CRIM1: variants seen among roughly 807,000 people sequenced by gnomAD.
The protein encoded by CRIM1 is cysteine rich transmembrane BMP regulator 1.
Under a neutral mutation model 116.4 loss-of-function variants are expected in CRIM1, and 32 were observed. The ratio of observed to expected loss-of-function variants is 0.27; its 90% CI spans 0.21 to 0.37. The LOEUF (loss-of-function observed/expected upper bound fraction) is 0.37. Ranked by LOEUF, CRIM1 falls within the 10% of genes least tolerant of loss-of-function variation. The pLI, the probability that CRIM1 is intolerant of heterozygous loss-of-function variation, is 1.00. For synonymous variants in CRIM1, 590 were observed against 509.2 expected (o/e 1.16, Z -2.13); for missense variants, 1,331 against 1,354.8 (o/e 0.98, Z 0.28).
At chr2:36,530,949 T>C (rs1666073352) in intron 13 of CRIM1, among the ~76,000 whole-genome samples, 1 of 152,188 alleles carries the variant, frequency 6.6e-6, no homozygotes, top group Admixed American at 6.5e-5. Flanking sequence ...CTTGAATGCC[T>C]TGTTCACGTC....
chr2:36,362,186 C>T (rs1669268315), intron 1 of CRIM1, among the ~76,000 whole-genome samples: 1 of 151,410 alleles, frequency 6.6e-6, no homozygotes, highest in African/African-American at 2.4e-5. Context: ...AATATAAATT[C>T]AAGCCAAGTA....
chr2:36,515,684 C>T (rs1181387319), intron 11 of CRIM1, among the ~76,000 whole-genome samples: 3 of 152,244 alleles, frequency 2.0e-5, no homozygotes, highest in Non-Finnish European at 4.4e-5. Flanking sequence ...TCTTTTGTCT[C>T]CATGTCTCTG....
chr2:36,377,219 G>C (rs1290194986), intron 1 of CRIM1, among the ~76,000 whole-genome samples: 1 of 152,164 alleles, frequency 6.6e-6, no homozygotes, highest in African/African-American at 2.4e-5. Flanking sequence ...CTGCCCTCTT[G>C]GCCCTGTTGC....
At chr2:36,481,753 G>A (rs1260266978) in intron 7 of CRIM1, among the ~76,000 whole-genome samples, 2 of 152,164 alleles carry the variant, frequency 1.3e-5, no homozygotes, top group Admixed American at 1.3e-4. Context: ...GTGTGGCTGA[G>A]TGAAGATCAA....
intron 1 of CRIM1, among the ~76,000 whole-genome samples, chr2:36,368,494 A>C (rs186634230): frequency 2.1e-4 from 32 of 152,328 alleles, no homozygotes; most frequent in Middle Eastern, 3.4e-3. Context: ...CTAAAACTTA[A>C]AGTAATAGGC....
intron 2 of CRIM1, among the ~76,000 whole-genome samples, chr2:36,441,005 G>C (rs1675775597): frequency 6.6e-6 from 1 of 152,200 alleles, no homozygotes; most frequent in Non-Finnish European, 1.5e-5. Flanking sequence ...CATTGCTCCA[G>C]ATGTTCATTG....
chr2:36,378,532 C>A, intron 1 of CRIM1: 1 of 353,472 alleles, frequency 2.8e-6, no homozygotes, highest in Non-Finnish European at 5.6e-6. Flanking sequence ...GGCGGTAAGT[C>A]ATTTTTTTTT....
At chr2:36,417,526 T>A (rs538735730) in intron 2 of CRIM1, among the ~76,000 whole-genome samples, 1 of 152,324 alleles carries the variant, frequency 6.6e-6, no homozygotes, top group South Asian at 2.1e-4. Flanking sequence ...AGACTCAATC[T>A]ATTTCATTTC....
At chr2:36,485,702 G>A (rs1318672634) in intron 7 of CRIM1, among the ~76,000 whole-genome samples, 1 of 152,180 alleles carries the variant, frequency 6.6e-6, no homozygotes, top group Non-Finnish European at 1.5e-5. Context: ...CCAAGAGGCA[G>A]TGAAGTCAAA....
intron 5 of CRIM1, among the ~76,000 whole-genome samples, chr2:36,472,423 A>G (rs975940729): frequency 6.6e-6 from 1 of 152,090 alleles, no homozygotes; most frequent in Non-Finnish European, 1.5e-5. Flanking sequence ...TTAAAGATTG[A>G]TTGTGTTTCC....
At chr2:36,535,550 G>T (rs1253117413) in intron 13 of CRIM1, among the ~76,000 whole-genome samples, 1 of 152,108 alleles carries the variant, frequency 6.6e-6, no homozygotes, top group African/African-American at 2.4e-5. Flanking sequence ...ATTACTTAAT[G>T]CCCCTTGTTG....
chr2:36,543,702 T>TA (rs11418660), intron 14 of CRIM1, among the ~76,000 whole-genome samples: 51,756 of 148,508 alleles, frequency 0.35, 9,440 homozygotes, highest in South Asian at 0.48. Flanking sequence ...TTTTTTTTTT[T>TA]AAAAAGACCT....
intron 2 of CRIM1, among the ~76,000 whole-genome samples, chr2:36,398,253 T>C (rs1441064449): frequency 6.6e-6 from 1 of 152,172 alleles, no homozygotes; most frequent in Non-Finnish European, 1.5e-5. Flanking sequence ...TGCGTCACCA[T>C]TGCTGTCATT....
Position 36,547,124 on chromosome 2 carries a change from A to C in CRIM1, c.2887A>C (p.Lys963Gln). 1 of 1,613,450 alleles carries C rather than the reference A, an allele frequency of 6.2e-7. No individual in the cohort carries two copies. Among genetic ancestry groups the C allele is most frequent in the Non-Finnish European group, 8.5e-7 (1 of 1,179,558 alleles). The change falls in exon 16 of 17, where the codon AAG (lysine) becomes CAG (glutamine). Residue 963 changes from lysine to glutamine, a missense_variant. Transcript: ENST00000280527. ...AATAGCATTCCTATTCATCAATCAGAAGAAACAGTGGATACCACTGCTTTG... is the reference window on the plus strand; with the variant it reads ...AATAGCATTCCTATTCATCAATCAGCAGAAACAGTGGATACCACTGCTTTG... ...IIIAFLFINQ[K>Q]KQWIPLLCWY...
chr2:36,520,754 T>A (rs569877163), intron 12 of CRIM1, among the ~76,000 whole-genome samples: 1 of 152,316 alleles, frequency 6.6e-6, no homozygotes, highest in East Asian at 1.9e-4. Context: ...AAAAAGGCCC[T>A]TCTTGTCACA....
intron 1 of CRIM1, among the ~76,000 whole-genome samples, chr2:36,367,166 T>C (rs919760070): frequency 2.0e-5 from 3 of 152,206 alleles, no homozygotes; most frequent in Admixed American, 2.0e-4. Context: ...GGAGACAGAA[T>C]GGGTATACTG....
chr2:36,513,350 A>G (rs1664812443), intron 10 of CRIM1: 1 of 542,230 alleles, frequency 1.8e-6, no homozygotes. Flanking sequence ...GAGAGAAACT[A>G]TTTGCCGGTT....
chr2:36,504,402 T>A (rs1382277384), intron 8 of CRIM1, among the ~76,000 whole-genome samples: 2 of 152,236 alleles, frequency 1.3e-5, no homozygotes, highest in Non-Finnish European at 2.9e-5. Context: ...ATCTAGCATA[T>A]TTTAGGCAGT....
chr2:36,425,468 G>C (rs1235254053), intron 2 of CRIM1, among the ~76,000 whole-genome samples: 2 of 152,124 alleles, frequency 1.3e-5, no homozygotes, highest in Admixed American at 6.5e-5. Context: ...CATATTTCTA[G>C]CAGATTAAAC....
Sources: allele counts gnomAD v4.1 joint callset (sites outside exome capture counted in the v4.1 genomes callset), GRCh38; gene constraint gnomAD v4.1.1; transcripts MANE v1.5; gene names NCBI Gene and HGNC (gene_info 2026-07-23, HGNC 2026-07-21).